LPIN1: variants seen among roughly 807,000 people sequenced by gnomAD.
LPIN1 encodes lipin 1, also known as phosphatidate phosphatase LPIN1.
LPIN1 carries 71 observed loss-of-function variants against 107.5 expected under a neutral mutation model. The ratio of observed to expected loss-of-function variants is 0.66; its 90% CI spans 0.55 to 0.80. The LOEUF (loss-of-function observed/expected upper bound fraction) is 0.80. Among genes scored for constraint, LPIN1 ranks in the 30% least tolerant of loss-of-function variants. LPIN1 has a pLI of 0.00. For missense variants in LPIN1, 1,043 were observed against 1,160.6 expected (o/e 0.90, Z 1.47); for synonymous variants, 445 against 452.6 (o/e 0.98, Z 0.21).
intron 5 of LPIN1, 23 bp downstream of exon 5, chr2:11,773,768 G>A (rs1672245942): frequency 1.9e-6 from 3 of 1,613,574 alleles, no homozygotes; most frequent in Non-Finnish European, 2.5e-6. Context: ...CTGTTCCCCT[G>A]GCCCAGTGCA....
Position 11,774,278 on chromosome 2 carries a change from T to A in LPIN1, c.722+533T>A, listed in dbSNP as rs1282625174. On this transcript the variant is annotated intron_variant, in intron 5 of 20. Transcript: ENST00000674199. This position sits in a 1 kb window ranked among gnomAD's most constrained non-coding sequence, Gnocchi z 4.4. ...CCATCCTGATGACCCCAGAGATGTT[T>A]ACATCAGTGAAACCTCTGGGAATAG... Among the ~76,000 whole-genome samples the A allele has an allele frequency of 6.6e-6, 1 of 152,224 alleles. No individual in the cohort carries two copies. Among genetic ancestry groups the A allele is most frequent in the Non-Finnish European group, 1.5e-5 (1 of 68,040 alleles).
chr2:11,824,870 A>G lies in LPIN1; in HGVS notation c.*79A>G. 1 of 1,527,602 alleles carries G rather than the reference A, an allele frequency of 6.5e-7. No homozygotes were observed. The allele number at this position is 1,527,602 out of a possible 1,614,324, so 94.6% of individuals were successfully genotyped here. A position where few individuals can be genotyped will look rare whatever the true frequency, so the allele number is the denominator to read the frequency against. Reference sequence around the variant, plus strand: ...AAGGATAGGTCTCCCCGGAGTGCACAGCTCCACCTGGGAGCCTGGCGCGTC... The same window carrying G: ...AAGGATAGGTCTCCCCGGAGTGCACGGCTCCACCTGGGAGCCTGGCGCGTC... On this transcript the variant is annotated 3_prime_UTR_variant, in exon 21 of 21. Transcript: ENST00000674199.
At chr2:11,724,747 AAGGGGGC>A (rs1664427474) in intron 1 of LPIN1, 1 of 555,742 alleles carries the variant, frequency 1.8e-6, no homozygotes, top group South Asian at 7.9e-5. Flanking sequence ...TGGCTTGCTG[AAGGGGGC>A]AGTGACTGGA....
intron 2 of LPIN1, among the ~76,000 whole-genome samples, chr2:11,718,793 T>A (rs1663922785): frequency 6.6e-6 from 1 of 152,216 alleles, no homozygotes; most frequent in African/African-American, 2.4e-5. Flanking sequence ...GAGGTAGCCG[T>A]TTTTCATTCA....
At chr2:11,795,978 T>C (rs1676643508) in intron 14 of LPIN1, among the ~76,000 whole-genome samples, 1 of 152,252 alleles carries the variant, frequency 6.6e-6, no homozygotes. Context: ...TTGATGATAC[T>C]GATCCGTATT....
intron 1 of LPIN1, among the ~76,000 whole-genome samples, chr2:11,692,894 G>T (rs1032623478): frequency 6.6e-6 from 1 of 152,140 alleles, no homozygotes; most frequent in African/African-American, 2.4e-5. Flanking sequence ...TAGGATTCTG[G>T]CTCTGCCCCT....
upstream of LPIN1, among the ~76,000 whole-genome samples, chr2:11,720,600 T>C (rs1329729261): frequency 1.3e-5 from 2 of 152,096 alleles, no homozygotes; most frequent in Admixed American, 6.6e-5. Context: ...ATGTTGAGGC[T>C]GAGCTTGCAC....
rs1426009612 is a variant in LPIN1, at chr2:11,824,808, T to G, written c.*17T>G. The G allele has an allele frequency of 6.2e-7, 1 of 1,614,100 alleles. No individual in the cohort carries two copies. ...TCAGCGTAAAATGTCCCAAGCAGCC[T>G]CTTGCCAGCAGTGCAGAGCCTGGTT... is the stretch of plus-strand genomic sequence containing the variant. On this transcript the variant is annotated 3_prime_UTR_variant, in exon 21 of 21. Coordinates refer to ENST00000674199, the MANE Select transcript of LPIN1 (RefSeq NM_001349206.2).
At position 11,771,756 on chromosome 2, in the gene LPIN1, C is replaced by A. The variant is rs1014291405; in HGVS notation, c.596+77C>A. ...TTCAAGATTATTTTTATGAACTTTT[C>A]CCCCATAATTCCTTATTCTTTTATG... On this transcript the variant is annotated intron_variant, in intron 4 of 20. Transcript: ENST00000674199. This position sits in a 1 kb window ranked among gnomAD's most constrained non-coding sequence, Gnocchi z 4.8. The A allele has an allele frequency of 2.1e-6, 3 of 1,402,016 alleles. No homozygotes were observed. Among genetic ancestry groups the A allele is most frequent in the Non-Finnish European group, 2.0e-6 (2 of 1,022,154 alleles). 86.8% of individuals were successfully genotyped at this position (1,402,016 alleles called of 1,614,324 possible).
At chr2:11,807,827 T>G (rs1221884330) in intron 17 of LPIN1, among the ~76,000 whole-genome samples, 1 of 152,176 alleles carries the variant, frequency 6.6e-6, no homozygotes, top group East Asian at 1.9e-4. Context: ...TTCTACAACC[T>G]TCAGGGCTCC....
intron 1 of LPIN1, among the ~76,000 whole-genome samples, chr2:11,679,956 G>A (rs376733359): frequency 9.8e-5 from 15 of 152,372 alleles, no homozygotes; most frequent in African/African-American, 2.6e-4. Context: ...CTGCAGAGCC[G>A]TGAAACTGGG....
rs981043626 is a variant in LPIN1 at position 11,786,943 on chromosome 2, A to G, written c.1550-131A>G. 4 of 722,678 alleles carry G rather than the reference A, an allele frequency of 5.5e-6. No individual in the cohort carries two copies. Among genetic ancestry groups the G allele is most frequent in the Non-Finnish European group, 1.0e-5 (4 of 395,968 alleles). 44.8% of individuals were successfully genotyped at this position (722,678 alleles called of 1,614,324 possible). A position where few individuals can be genotyped will look rare whatever the true frequency, so the allele number is the denominator to read the frequency against. ...TGCGGCCTTTACAAATACATTTTAT[A>G]GGATTGTCTGCACAGTTGGAATGCA... On this transcript the variant is annotated intron_variant, in intron 10 of 20. Transcript: ENST00000674199. This position sits in a 1 kb window ranked among gnomAD's most constrained non-coding sequence, Gnocchi z 4.1.
At chr2:11,787,538 T>C (rs1674846971) in intron 11 of LPIN1, among the ~76,000 whole-genome samples, 1 of 151,946 alleles carries the variant, frequency 6.6e-6, no homozygotes, top group African/African-American at 2.4e-5. Context: ...AGTGCTGGGA[T>C]TTCAGGTGTG....
At chr2:11,754,586 A>G (rs1224953113) in intron 1 of LPIN1, among the ~76,000 whole-genome samples, 1 of 152,250 alleles carries the variant, frequency 6.6e-6, no homozygotes, top group Non-Finnish European at 1.5e-5. Flanking sequence ...AAGGTGTCAC[A>G]TCCAGGGCCA....
At chr2:11,784,568 C>T in intron 9 of LPIN1, 2 of 513,530 alleles carry the variant, frequency 3.9e-6, no homozygotes, top group South Asian at 2.2e-5. Flanking sequence ...GACCCACCCT[C>T]AGTCCCCCTG....
intron 20 of LPIN1, 35 bp from the exon 21 acceptor site, chr2:11,824,597 G>A (rs775386034): frequency 7.4e-6 from 12 of 1,612,702 alleles, no homozygotes; most frequent in Admixed American, 3.3e-5. Flanking sequence ...AGCTGGTATC[G>A]CTCAGTGCCA....
chr2:11,763,545 G>T (rs1012626736), intron 1 of LPIN1, among the ~76,000 whole-genome samples: 2 of 152,130 alleles, frequency 1.3e-5, no homozygotes, highest in Admixed American at 1.3e-4. Context: ...TTCCAGGCGG[G>T]GAAGGAATCG....
In LPIN1 at chr2:11,697,852, A is replaced by G. The variant is rs4564747; in HGVS notation, c.82-15904A>G. Among the ~76,000 whole-genome samples, 39,302 of 151,920 alleles carry G rather than the reference A, an allele frequency of 0.26. 8,337 individuals are homozygous for G. Among genetic ancestry groups the G allele is most frequent in the African/African-American group, 0.59 (24,234 of 41,396 alleles). On this transcript the variant is annotated intron_variant, in intron 1 of 21. Coordinates refer to the LPIN1 transcript ENST00000449576. This position sits in a 1 kb window ranked among gnomAD's most constrained non-coding sequence, Gnocchi z 4.6. ...GGGAACAAGCCCTACCGCACATTACATGGAAGCGAGTGTGCTCAGAAATGC... is the reference window on the plus strand; with the variant it reads ...GGGAACAAGCCCTACCGCACATTACGTGGAAGCGAGTGTGCTCAGAAATGC...
intron 20 of LPIN1, among the ~76,000 whole-genome samples, chr2:11,821,322 G>C (rs1021252566): frequency 1.3e-5 from 2 of 152,162 alleles, no homozygotes; most frequent in African/African-American, 4.8e-5. Context: ...TTCGAGACCA[G>C]CCTGACCAAC....
Sources: gnomAD v4.1 joint callset for allele counts (sites outside exome capture counted in the v4.1 genomes callset) on GRCh38, gnomAD v4.1.1 for gene constraint, Gnocchi (gnomAD v3.1) non-coding constraint, MANE v1.5 for transcripts, NCBI Gene and HGNC (gene_info 2026-07-23, HGNC 2026-07-21) for gene names.